Variants in ARHGAP25 observed in about 807,000 individuals in gnomAD.
The protein encoded by ARHGAP25 is Rho GTPase activating protein 25.
A neutral mutation model predicts 71.0 loss-of-function variants in ARHGAP25; 34 were observed. The observed-to-expected ratio is 0.48, with a 90% CI of 0.36 to 0.64. The LOEUF is 0.64. ARHGAP25 is among the 30% of genes least tolerant of loss of function. ARHGAP25 has a pLI of 0.00. For missense variants in ARHGAP25, 706 were observed against 805.1 expected, an observed-to-expected ratio of 0.88 and a Z score of 1.49; for synonymous variants, 282 against 296.5, an observed-to-expected ratio of 0.95 and a Z score of 0.50.
chr2:68,799,593 C>T (rs773541959), intron 4 of ARHGAP25, among the ~76,000 whole-genome samples: 21 of 152,086 alleles, frequency 1.4e-4, no homozygotes, highest in Non-Finnish European at 2.1e-4. Context: ...TTTTTTAACC[C>T]ACCTGGGAGG....
chr2:68,747,318 C>A lies in ARHGAP25; in HGVS notation c.61+12058C>A, dbSNP rs201982662. 8.5e-5 allele frequency among the ~76,000 whole-genome samples: 13 copies of A among 152,308 alleles called. 1 individual carries two copies. The East Asian group carries it at 2.1e-3, about 25-fold the overall frequency. On this transcript the variant is annotated intron_variant, in intron 1 of 10. Coordinates refer to ENST00000409202, the MANE Select transcript of ARHGAP25 (RefSeq NM_001007231.3). ...TAACAATGAAGTGTCCCAAGCAGGA[C>A]TGGCCACATCATTCGTGGAGCCTAG...
At chr2:68,820,798 A>G (rs1367770063) in intron 9 of ARHGAP25, among the ~76,000 whole-genome samples, 1 of 151,158 alleles carries the variant, frequency 6.6e-6, no homozygotes, top group East Asian at 1.9e-4. Context: ...TTATGAAAAT[A>G]TAAGAAGACA....
At chr2:68,766,783 TGTCA>T (rs1333871155) in intron 1 of ARHGAP25, among the ~76,000 whole-genome samples, 1 of 152,044 alleles carries the variant, frequency 6.6e-6, no homozygotes, top group African/African-American at 2.4e-5. Context: ...TCTCACTCTC[TGTCA>T]TTCTCTCTCC....
At chr2:68,824,011 C>T (rs1374358893) in intron 10 of ARHGAP25, among the ~76,000 whole-genome samples, 2 of 152,216 alleles carry the variant, frequency 1.3e-5, no homozygotes, top group Admixed American at 6.5e-5. Context: ...TTTATGGCTA[C>T]GTCTTAGTCC....
At position 68,819,239 on chromosome 2, in the gene ARHGAP25, G is replaced by T. The variant is rs1221230119; in HGVS notation, c.1120G>T (p.Ala374Ser). 1.2e-6 allele frequency: 2 copies of T among 1,614,022 alleles called. No individual in the cohort carries two copies. Among genetic ancestry groups the T allele is most frequent in the African/African-American group, 1.3e-5 (1 of 74,912 alleles). The change falls in exon 9 of 11, where the codon GCT (alanine) becomes TCT (serine). Residue 374 changes from alanine (A) to serine (S), a missense_variant. Coordinates refer to ENST00000409202, the MANE Select transcript of ARHGAP25 (RefSeq NM_001007231.3). ...TGCCCAGAAAAATGACCCCAAGAAA[G>T]CTCCAGTGGCCCGAAGCTCTGTAGG... The part of the protein sequence containing the change: ...PPAQKNDPKK[A>S]PVARSSVGWD...
At chr2:68,797,639 C>T (rs902771475) in intron 4 of ARHGAP25, among the ~76,000 whole-genome samples, 2 of 152,196 alleles carry the variant, frequency 1.3e-5, no homozygotes, top group Admixed American at 1.3e-4. Flanking sequence ...CCCAGTCCTG[C>T]AAGCACCACC....
At chr2:68,799,317 C>T (rs951646769) in intron 4 of ARHGAP25, among the ~76,000 whole-genome samples, 3 of 152,306 alleles carry the variant, frequency 2.0e-5, no homozygotes, top group African/African-American at 7.2e-5. Flanking sequence ...ATGCTGAGAG[C>T]CTGTTTGCCA....
intron 1 of ARHGAP25, among the ~76,000 whole-genome samples, chr2:68,740,968 G>A (rs1675488849): frequency 6.6e-6 from 1 of 152,228 alleles, no homozygotes; most frequent in South Asian, 2.1e-4. Context: ...AAGCAGTAGT[G>A]AATCTGGGGC....
chr2:68,714,652 T>C (rs1021669446), intron 2 of ARHGAP25, among the ~76,000 whole-genome samples: 2 of 152,234 alleles, frequency 1.3e-5, no homozygotes, highest in African/African-American at 4.8e-5. Context: ...AACACTACTT[T>C]ATCCGTGTCC....
intron 9 of ARHGAP25, among the ~76,000 whole-genome samples, chr2:68,821,639 A>G (rs1263261726): frequency 1.3e-5 from 2 of 152,176 alleles, no homozygotes; most frequent in African/African-American, 4.8e-5. Flanking sequence ...TTTGTTGTCA[A>G]ATTTTGGGGG....
chr2:68,772,279 G>A (rs1314068161), intron 1 of ARHGAP25, among the ~76,000 whole-genome samples: 1 of 152,236 alleles, frequency 6.6e-6, no homozygotes, highest in African/African-American at 2.4e-5. Flanking sequence ...GGCCTCTGGG[G>A]GTGGCCCAAG....
At chr2:68,818,533 G>A (rs956913315) in intron 8 of ARHGAP25, among the ~76,000 whole-genome samples, 12 of 152,160 alleles carry the variant, frequency 7.9e-5, no homozygotes, top group Non-Finnish European at 4.4e-5. Context: ...TTACCATGTT[G>A]GCCAGGCTGG....
chr2:68,739,351 A>G (rs895107214), intron 1 of ARHGAP25, among the ~76,000 whole-genome samples: 1 of 152,190 alleles, frequency 6.6e-6, no homozygotes, highest in Non-Finnish European at 1.5e-5. Context: ...AAGTCACTTC[A>G]TTAATGGTAG....
chr2:68,819,815 T>C (rs949551830), intron 9 of ARHGAP25: 14 of 271,464 alleles, frequency 5.2e-5, no homozygotes, highest in Non-Finnish European at 4.1e-5. Flanking sequence ...ACATTTGTGC[T>C]GAAGGGTTGA....
At chr2:68,812,001 G>T (rs182230998) in intron 5 of ARHGAP25, among the ~76,000 whole-genome samples, 1 of 152,154 alleles carries the variant, frequency 6.6e-6, no homozygotes, top group Admixed American at 6.5e-5. Context: ...TCAGCTTCAG[G>T]AATATGGTAG....
At chr2:68,718,811 A>G (rs1265435091) in intron 2 of ARHGAP25, among the ~76,000 whole-genome samples, 2 of 152,194 alleles carry the variant, frequency 1.3e-5, no homozygotes, top group Non-Finnish European at 2.9e-5. Flanking sequence ...TTCAAATGAA[A>G]CAACTCTTGA....
At chr2:68,769,168 C>G (rs1265685964) in intron 1 of ARHGAP25, among the ~76,000 whole-genome samples, 2 of 152,150 alleles carry the variant, frequency 1.3e-5, no homozygotes, top group African/African-American at 4.8e-5. Flanking sequence ...TGTGCAATGT[C>G]CAGCCAATCT....
At chr2:68,793,875 T>C (rs905002007) in intron 4 of ARHGAP25, among the ~76,000 whole-genome samples, 1 of 152,206 alleles carries the variant, frequency 6.6e-6, no homozygotes, top group African/African-American at 2.4e-5. Flanking sequence ...AGTATGATTA[T>C]TTTAATGATA....
intron 4 of ARHGAP25, among the ~76,000 whole-genome samples, chr2:68,793,285 A>G (rs929705041): frequency 5.3e-5 from 8 of 152,020 alleles, no homozygotes; most frequent in Admixed American, 5.2e-4. Context: ...ATTAAGTCCT[A>G]TTTGTTTATT....
Sources: gnomAD v4.1 joint callset for allele counts (sites outside exome capture counted in the v4.1 genomes callset) on GRCh38, gnomAD v4.1.1 for gene constraint, MANE v1.5 for transcripts, NCBI Gene and HGNC (gene_info 2026-07-23, HGNC 2026-07-21) for gene names.